MAST4: variants seen among roughly 807,000 people sequenced by gnomAD.
MAST4 encodes the protein microtubule-associated serine/threonine-protein kinase 4.
MAST4 carries 89 observed loss-of-function variants against 162.7 expected under a neutral mutation model. The observed-to-expected ratio is 0.55, with a 90% CI of 0.46 to 0.65. MAST4 has a LOEUF of 0.65. Ranked by LOEUF, MAST4 falls within the 30% of genes least tolerant of loss-of-function variation. The probability of loss-of-function intolerance (pLI) is 0.00; values close to 1 mark genes in which losing one functional copy is unlikely to be tolerated. For missense variants in MAST4, 3,153 were observed against 3,374.0 expected (o/e 0.93, Z 1.62); for synonymous variants, 1,479 against 1,361.1 (o/e 1.09, Z -1.91).
intron 4 of MAST4, among the ~76,000 whole-genome samples, chr5:66,938,209 A>T (rs760850946): frequency 5.3e-5 from 8 of 152,196 alleles, no homozygotes; most frequent in Non-Finnish European, 7.4e-5. Context: ...ATTATGGTAG[A>T]TGTTTTTTCT....
chr5:66,863,928 A>G (rs1760297418), intron 3 of MAST4, among the ~76,000 whole-genome samples: 2 of 152,188 alleles, frequency 1.3e-5, no homozygotes, highest in Admixed American at 1.3e-4. Context: ...TCCCTTAATC[A>G]AATTCTTCTC....
Position 66,907,160 on chromosome 5 carries a change from AG to A in MAST4, c.674+7179del, listed in dbSNP as rs1763409564. 7.4e-3 allele frequency among the ~76,000 whole-genome samples: 78 copies of A among 10,566 alleles called. 2 individuals carry two copies. The highest frequency in any genetic ancestry group is 0.012 in the African/African-American group (68 of 5,746). 6.9% of individuals were successfully genotyped at this position (10,566 alleles called of 152,430 possible). ...AGGAAAAATAACTCTCAGCAAAGCG[AG>A]AGAGAGAGAGAGAGAGAGAGAGAGA... On this transcript the variant is annotated intron_variant, in intron 4 of 28. Transcript: ENST00000403625.
chr5:67,114,040 A>T (rs1054872630), intron 11 of MAST4, 47 bp from the exon 12 acceptor site: 1 of 1,609,422 alleles, frequency 6.2e-7, no homozygotes, highest in Non-Finnish European at 8.5e-7. Flanking sequence ...AAAACCTCAG[A>T]CAATTTTGGC....
At chr5:66,835,287 A>T (rs564630156) in intron 3 of MAST4, among the ~76,000 whole-genome samples, 2 of 152,266 alleles carry the variant, frequency 1.3e-5, no homozygotes. Context: ...GAACCAGTTT[A>T]CTTCTTTTAA....
At chr5:67,077,854 C>T (rs1761846773) in intron 5 of MAST4, among the ~76,000 whole-genome samples, 1 of 152,150 alleles carries the variant, frequency 6.6e-6, no homozygotes. Flanking sequence ...AATCCCAGCA[C>T]TTTGGGAGGC....
Position 66,833,783 on chromosome 5 carries a change from A to G in MAST4, c.642+44989A>G, listed in dbSNP as rs1181363605. Among the ~76,000 whole-genome samples, 6 of 152,224 alleles carry G rather than the reference A, an allele frequency of 3.9e-5. No homozygotes were observed. The East Asian group carries it at 1.2e-3, about 29-fold the overall frequency. The stretch of plus-strand genomic sequence containing the variant: ...TTTGCAATCTAATCCTATAACATGC[A>G]TTATTTTAAATAATTTAAAATTATT... On this transcript the variant is annotated intron_variant, in intron 3 of 28. Transcript: ENST00000403625.
In MAST4 at chr5:66,828,947, T is replaced by C. The variant is rs1561360651; in HGVS notation, c.642+40153T>C. ...TGGCCAGCCATTGAGGATTTCAAAG[T>C]TCCCTTGTCATTCCTTTACTGGGCA... On this transcript the variant is annotated intron_variant, in intron 3 of 28. Transcript: ENST00000403625. The C allele has an allele frequency of 4.6e-6, 6 of 1,307,938 alleles. No homozygotes were observed. The East Asian group carries it at 1.2e-4, about 27-fold the overall frequency. The allele number at this position is 1,307,938 out of a possible 1,614,324, so 81.0% of individuals were successfully genotyped here.
chr5:67,113,116 A>G (rs1766444465), intron 11 of MAST4, among the ~76,000 whole-genome samples: 1 of 152,036 alleles, frequency 6.6e-6, no homozygotes, highest in Non-Finnish European at 1.5e-5. Flanking sequence ...GATCGAGACC[A>G]TCCTGGCTAA....
At chr5:66,868,721 C>A (rs1379925991) in intron 3 of MAST4, among the ~76,000 whole-genome samples, 2 of 151,916 alleles carry the variant, frequency 1.3e-5, no homozygotes, top group African/African-American at 4.8e-5. Flanking sequence ...TATTTCATAG[C>A]CCTATTTGTT....
intron 4 of MAST4, among the ~76,000 whole-genome samples, chr5:66,966,542 CT>C (rs905341215): frequency 6.6e-6 from 1 of 152,132 alleles, no homozygotes; most frequent in Non-Finnish European, 1.5e-5. Flanking sequence ...AACCCATGGC[CT>C]TCAAGGATGC....
At position 66,999,784 on chromosome 5, in the gene MAST4, G is replaced by C. The variant is rs541889044; in HGVS notation, c.675-54620G>C. 3.3e-4 allele frequency among the ~76,000 whole-genome samples: 50 copies of C among 151,582 alleles called. No homozygotes were observed. The South Asian group carries it at 8.6e-3, about 26-fold the overall frequency. The stretch of plus-strand genomic sequence containing the variant: ...AAATCTGAACCTCTCTTACCTTGTG[G>C]CATTATTTTAAAATATTTTTTGGTA... On this transcript the variant is annotated intron_variant, in intron 4 of 28. Transcript: ENST00000403625.
rs1402196702 is a variant in MAST4, at chr5:67,168,384, G to A, written c.*1333G>A. On this transcript the variant is annotated 3_prime_UTR_variant, in exon 29 of 29. Transcript: ENST00000403625. Reference sequence around the variant, plus strand: ...CATTTTTGTAACAAAGAGACTCGCTGGAGCTATTTGGTGCTTGAATGTGAC... The same window carrying A: ...CATTTTTGTAACAAAGAGACTCGCTAGAGCTATTTGGTGCTTGAATGTGAC... 6.6e-6 allele frequency: 1 copy of A among 152,112 alleles called. No individual in the cohort carries two copies. Among genetic ancestry groups the A allele is most frequent in the East Asian group, 1.9e-4 (1 of 5,200 alleles). The allele number at this position is 152,112 out of a possible 1,614,324, so 9.4% of individuals were successfully genotyped here.
intron 1 of MAST4, among the ~76,000 whole-genome samples, chr5:66,733,455 A>C (rs1414749061): frequency 6.6e-6 from 1 of 152,126 alleles, no homozygotes; most frequent in African/African-American, 2.4e-5. Flanking sequence ...GAACCCATGA[A>C]TGGGTCATAA....
At chr5:66,805,049 TAGAA>T (rs750692302) in intron 3 of MAST4, among the ~76,000 whole-genome samples, 5 of 152,334 alleles carry the variant, frequency 3.3e-5, no homozygotes, top group African/African-American at 4.8e-5. Context: ...ATGTCATGCT[TAGAA>T]AGGTATTTTG....
Position 66,931,388 on chromosome 5 carries a change from GA to G in MAST4, c.674+31408del, listed in dbSNP as rs1202894512. ...GTTTATTTTTCTTGTTGCTTATCAG[GA>G]ACCTAATTCTTTGTTGTGAGGGTGG... On this transcript the variant is annotated intron_variant, in intron 4 of 28. Transcript: ENST00000403625. Among the ~76,000 whole-genome samples, 4 of 152,052 alleles carry G rather than the reference GA, an allele frequency of 2.6e-5. No homozygotes were observed. The East Asian group carries it at 7.7e-4, about 29-fold the overall frequency.
Position 66,806,364 on chromosome 5 carries a change from G to A in MAST4, c.642+17570G>A, listed in dbSNP as rs115954237. ...CTAGATGCAGCTGAAGTTGCTGATGGCAACAGTTTTCACTAAAGTCGGAAG... is the reference window on the plus strand; with the variant it reads ...CTAGATGCAGCTGAAGTTGCTGATGACAACAGTTTTCACTAAAGTCGGAAG... On this transcript the variant is annotated intron_variant, in intron 3 of 28. Transcript: ENST00000403625. Among the ~76,000 whole-genome samples, 166 of 152,318 alleles carry A rather than the reference G, an allele frequency of 1.1e-3. 1 individual carries two copies. The highest frequency in any genetic ancestry group is 3.8e-3 in the African/African-American group (158 of 41,558).
In MAST4 at chr5:66,954,370, G is replaced by C. The variant is rs148165374; in HGVS notation, c.674+54388G>C. The stretch of plus-strand genomic sequence containing the variant: ...ACACTGTTTAGTTATGTAACACTGT[G>C]GTGAGCTACAATTATTTAAACAATG... On this transcript the variant is annotated intron_variant, in intron 4 of 28. Coordinates refer to ENST00000403625, the MANE Select transcript of MAST4 (RefSeq NM_001164664.2). 1.5e-3 allele frequency among the ~76,000 whole-genome samples: 226 copies of C among 152,254 alleles called. 4 individuals carry two copies. The highest frequency in any genetic ancestry group is 0.014 in the Admixed American group (209 of 15,296).
intron 1 of MAST4, among the ~76,000 whole-genome samples, chr5:66,623,957 C>G (rs1744242376): frequency 6.6e-6 from 1 of 152,034 alleles, no homozygotes. Flanking sequence ...CATATCTGTA[C>G]ATCAACAATA....
chr5:66,840,507 T>G (rs1473767499), intron 3 of MAST4, among the ~76,000 whole-genome samples: 1 of 151,806 alleles, frequency 6.6e-6, no homozygotes, highest in African/African-American at 2.4e-5. Flanking sequence ...GTGTGATAGA[T>G]TCAATCCTTA....
Sources: gnomAD v4.1 joint callset for allele counts (sites outside exome capture counted in the v4.1 genomes callset) on GRCh38, gnomAD v4.1.1 for gene constraint, MANE v1.5 for transcripts, NCBI Gene and HGNC (gene_info 2026-07-23, HGNC 2026-07-21) for gene names.